The following BNIP2 variants were observed in gnomAD, a reference collection of about 807,000 sequenced individuals.
BNIP2 encodes the protein BCL2 interacting protein 2.
Under a neutral mutation model 43.4 loss-of-function variants are expected in BNIP2, and 36 were observed. The observed-to-expected ratio is 0.83, with a 90% CI of 0.64 to 1.10. BNIP2 has a LOEUF of 1.10. Ranked by LOEUF, BNIP2 falls within the 50% of genes least tolerant of loss-of-function variation. The pLI is 0.00. For synonymous variants in BNIP2, 146 were observed against 121.0 expected, an observed-to-expected ratio of 1.21 and a Z score of -1.35; for missense variants, 417 against 374.1, an observed-to-expected ratio of 1.11 and a Z score of -0.95.
chr15:59,669,051 T>G, intron 8 of BNIP2, 61 bp from the exon 9 acceptor site: 2 of 1,384,194 alleles, frequency 1.4e-6, no homozygotes, highest in Non-Finnish European at 2.0e-6. Context: ...GGATACAATG[T>G]TTACAAGATA....
chr15:59,666,558 T>C (rs1272601582), intron 9 of BNIP2, among the ~76,000 whole-genome samples: 3 of 152,030 alleles, frequency 2.0e-5, no homozygotes, highest in East Asian at 1.9e-4. Context: ...TCCCAGCTAC[T>C]TGGGGGGCTG....
Position 59,662,437 on chromosome 15 carries a change from G to C in BNIP2, c.*1632C>G, listed in dbSNP as rs1329794796. On this transcript the variant is annotated 3_prime_UTR_variant, in exon 10 of 10. Transcript: ENST00000607373. ...ATTAGTTCAGGATCTGCCAAGAGCT[G>C]CTGGATCTGAGTTAAGTCAGGAGGC... The C allele has an allele frequency of 6.6e-6, 1 of 152,232 alleles. No individual in the cohort carries two copies. The highest frequency in any genetic ancestry group is 2.4e-5 in the African/African-American group (1 of 41,464). 9.4% of individuals were successfully genotyped at this position (152,232 alleles called of 1,614,324 possible).
chr15:59,668,014 G>T, intron 9 of BNIP2: 1 of 884,500 alleles, frequency 1.1e-6, no homozygotes, highest in Non-Finnish European at 1.6e-6. Flanking sequence ...TATTATCTTT[G>T]TCTACAAGCT....
chr15:59,687,965 CAGA>C (rs1894126412), intron 1 of BNIP2, among the ~76,000 whole-genome samples: 1 of 152,150 alleles, frequency 6.6e-6, no homozygotes, highest in African/African-American at 2.4e-5. Context: ...CAATTTTATA[CAGA>C]AGAAGCCTGT....
chr15:59,685,965 A>G (rs532421225), intron 1 of BNIP2, among the ~76,000 whole-genome samples: 3 of 152,310 alleles, frequency 2.0e-5, no homozygotes, highest in Admixed American at 2.0e-4. Flanking sequence ...TTTGGAAATT[A>G]GAATGGGAAA....
intron 5 of BNIP2, among the ~76,000 whole-genome samples, chr15:59,675,783 A>G (rs1336276035): frequency 1.3e-5 from 2 of 152,244 alleles, no homozygotes; most frequent in Admixed American, 6.5e-5. Context: ...CTACTCAGCA[A>G]TAAGAAGGAA....
At chr15:59,678,833 G>A (rs1326537118) in intron 4 of BNIP2, 1 of 1,303,056 alleles carries the variant, frequency 7.7e-7, no homozygotes, top group South Asian at 1.2e-5. Flanking sequence ...TCCAGGAAAT[G>A]ACTACAGCAG....
chr15:59,680,792 G>A (rs958836341), intron 2 of BNIP2, among the ~76,000 whole-genome samples: 1 of 152,080 alleles, frequency 6.6e-6, no homozygotes, highest in Admixed American at 6.6e-5. Flanking sequence ...AGTTTTTTTG[G>A]TAGAGACCGG....
rs1309148074 is a variant in BNIP2 at position 59,689,125 on chromosome 15, C to T, written c.-58+10G>A. 6.5e-7 allele frequency: 1 copy of T among 1,534,892 alleles called. No homozygotes were observed. Among genetic ancestry groups the T allele is most frequent in the East Asian group, 2.4e-5 (1 of 40,822 alleles). On this transcript the variant is annotated intron_variant, in intron 1 of 9. Transcript: ENST00000607373. ...AGCCACCGTGCCGAGTTCTCCCAGG[C>T]CGCACTCACCCCGGAGGAAGCCTTG... is the stretch of plus-strand genomic sequence containing the variant.
rs755183480 is a variant in BNIP2 at position 59,671,241 on chromosome 15, G to A, written c.649C>T (p.Arg217Ter). ...CATCCCAGACTGGGCATTTTTCTTC[G>A]AGTTGTTGCACCATTTAAATAAACT... ...MIVYLNGATT[R>*]RKMPSLGWLR... Residue 217 changes from arginine (R) to a stop codon, truncating the protein, a stop_gained, in exon 7 of 10, where the codon CGA (arginine) becomes TGA (stop). Coordinates refer to ENST00000607373, the MANE Select transcript of BNIP2 (RefSeq NM_004330.4). LOFTEE classifies it high-confidence loss of function. The A allele has an allele frequency of 2.0e-5, 32 of 1,600,736 alleles. No individual in the cohort carries two copies. The highest frequency in any genetic ancestry group is 2.7e-5 in the African/African-American group (2 of 74,740).
rs1894196452 is a variant in BNIP2, at chr15:59,688,860, T to C, written c.-58+275A>G. On this transcript the variant is annotated intron_variant, in intron 1 of 9. Transcript: ENST00000607373. ...GGAGCGGAGGAGGGGCAAGGTTCCA[T>C]CCCGAGCACAACTACCAGAAACGGA... 4 of 1,355,700 alleles carry C rather than the reference T, an allele frequency of 3.0e-6. No homozygotes were observed. In the Admixed American group the frequency reaches 7.2e-5, roughly 24 times the overall value. 84.0% of individuals were successfully genotyped at this position (1,355,700 alleles called of 1,614,324 possible).
Position 59,660,295 on chromosome 15 carries a change from A to G in BNIP2, c.*3774T>C, listed in dbSNP as rs1310518390. 1 of 152,242 alleles carries G rather than the reference A, an allele frequency of 6.6e-6. No homozygotes were observed. The highest frequency in any genetic ancestry group is 1.5e-5 in the Non-Finnish European group (1 of 68,042). 9.4% of individuals were successfully genotyped at this position (152,242 alleles called of 1,614,324 possible). On this transcript the variant is annotated 3_prime_UTR_variant, in exon 10 of 10. Transcript: ENST00000607373. ...TTTGTGGTCCATTTCTCAAATGTCC[A>G]TATAGGATTGGAGAAAAAACAGGCA...
intron 1 of BNIP2, 98 bp from the exon 2 acceptor site, chr15:59,682,612 A>G: frequency 1.1e-6 from 1 of 915,178 alleles, no homozygotes; most frequent in Non-Finnish European, 1.6e-6. Context: ...CTTGATGTTT[A>G]GTACAATGGT....
At chr15:59,682,546 T>C (rs1336841622) in intron 1 of BNIP2, 32 bp from the exon 2 acceptor site, 1 of 1,545,002 alleles carries the variant, frequency 6.5e-7, no homozygotes, top group African/African-American at 1.4e-5. Context: ...TAACTTAATT[T>C]CCACTTTACT....
At chr15:59,682,656 T>C in intron 1 of BNIP2, 142 bp from the exon 2 acceptor site, 1 of 572,756 alleles carries the variant, frequency 1.7e-6, no homozygotes, top group South Asian at 3.8e-5. Flanking sequence ...GGTTGCAATT[T>C]TTTTTTTTTT....
At chr15:59,669,244 T>A (rs764855990) in intron 8 of BNIP2, 32 bp downstream of exon 8, 5 of 1,426,148 alleles carry the variant, frequency 3.5e-6, no homozygotes, top group African/African-American at 2.9e-5. Context: ...ATAAAAAAAA[T>A]AAAATTAAAG....
At chr15:59,675,110 G>A (rs1422665679) in intron 5 of BNIP2, among the ~76,000 whole-genome samples, 6 of 151,808 alleles carry the variant, frequency 4.0e-5, no homozygotes, top group African/African-American at 9.7e-5. Context: ...TTAGCCAGGC[G>A]TGGTGGCGTG....
chr15:59,659,977 T>C lies in BNIP2; in HGVS notation c.*4092A>G, dbSNP rs1892166823. The stretch of plus-strand genomic sequence containing the variant: ...GAACTTCAAAGGAAAGTTACATAAC[T>C]GGGTCTCACCATTGATCTGATTCTA... On this transcript the variant is annotated 3_prime_UTR_variant, in exon 10 of 10. Transcript: ENST00000607373. 1 of 152,228 alleles carries C rather than the reference T, an allele frequency of 6.6e-6. No individual in the cohort carries two copies. The highest frequency in any genetic ancestry group is 1.5e-5 in the Non-Finnish European group (1 of 68,050). The allele number at this position is 152,228 out of a possible 1,614,324, so 9.4% of individuals were successfully genotyped here. A position where few individuals can be genotyped will look rare whatever the true frequency, so the allele number is the denominator to read the frequency against.
chr15:59,687,211 G>A (rs1420711972), intron 1 of BNIP2, among the ~76,000 whole-genome samples: 1 of 152,116 alleles, frequency 6.6e-6, no homozygotes, highest in Non-Finnish European at 1.5e-5. Flanking sequence ...ACTAACTGAT[G>A]TCTCAGTTTG....
Sources: gnomAD v4.1 joint callset for allele counts (sites outside exome capture counted in the v4.1 genomes callset) on GRCh38, gnomAD v4.1.1 for gene constraint, MANE v1.5 for transcripts, NCBI Gene and HGNC (gene_info 2026-07-23, HGNC 2026-07-21) for gene names.